PTPRM: variants seen among roughly 807,000 people sequenced by gnomAD.
PTPRM encodes protein tyrosine phosphatase receptor type M.
A neutral mutation model predicts 186.7 loss-of-function variants in PTPRM; 47 were observed. The ratio of observed to expected loss-of-function variants is 0.25; its 90% CI spans 0.20 to 0.32. PTPRM has a LOEUF of 0.32. Among genes scored for constraint, PTPRM ranks in the 10% least tolerant of loss-of-function variants. The probability of loss-of-function intolerance (pLI) is 1.00; values close to 1 mark genes in which losing one functional copy is unlikely to be tolerated. For synonymous variants in PTPRM, 668 were observed against 674.9 expected (o/e 0.99, Z 0.16); for missense variants, 1,494 against 1,865.0 (o/e 0.80, Z 3.66).
chr18:7,911,814 T>C (rs2050278863), intron 4 of PTPRM, among the ~76,000 whole-genome samples: 1 of 151,804 alleles, frequency 6.6e-6, no homozygotes, highest in Non-Finnish European at 1.5e-5. Flanking sequence ...CACAAAGCTT[T>C]TCTGTGTTTT....
At position 8,249,831 on chromosome 18, in the gene PTPRM, G is replaced by T. The variant is rs189268495; in HGVS notation, c.2554+1655G>T. On this transcript the variant is annotated intron_variant, in intron 17 of 32. Coordinates refer to ENST00000580170, the MANE Select transcript of PTPRM (RefSeq NM_001105244.2). ...GACAGACAATTCAAGTAGCAAAAAT[G>T]ATGCACATTGTAAAAAATAAGTCAC... Among the ~76,000 whole-genome samples, 1,005 of 152,252 alleles carry T rather than the reference G, an allele frequency of 6.6e-3. 14 individuals are homozygous for T. The highest frequency in any genetic ancestry group is 0.021 in the African/African-American group (891 of 41,562).
At chr18:8,080,589 G>A (rs1164627194) in intron 9 of PTPRM, among the ~76,000 whole-genome samples, 1 of 152,146 alleles carries the variant, frequency 6.6e-6, no homozygotes, top group Non-Finnish European at 1.5e-5. Flanking sequence ...AGCTGATTGG[G>A]ACATTCAAGA....
rs1449819977 is a variant in PTPRM, at chr18:8,310,998, A to G, written c.2843-3783A>G. 3.3e-5 allele frequency among the ~76,000 whole-genome samples: 5 copies of G among 151,898 alleles called. No homozygotes were observed. In the East Asian group the frequency reaches 9.7e-4, roughly 29 times the overall value. ...AATAGCTCAGTATTCTGACAATATTAGACAAGCCTGTATTAAAACTGAAAT... is the reference window on the plus strand; with the variant it reads ...AATAGCTCAGTATTCTGACAATATTGGACAAGCCTGTATTAAAACTGAAAT... On this transcript the variant is annotated intron_variant, in intron 20 of 32. Coordinates refer to ENST00000580170, the MANE Select transcript of PTPRM (RefSeq NM_001105244.2).
chr18:7,804,439 A>C (rs1598800232), intron 2 of PTPRM, among the ~76,000 whole-genome samples: 1 of 152,208 alleles, frequency 6.6e-6, no homozygotes, highest in Non-Finnish European at 1.5e-5. Context: ...AAATAGCAGT[A>C]TGTTTTGAGA....
intron 1 of PTPRM, among the ~76,000 whole-genome samples, chr18:7,679,770 T>G (rs1372249814): frequency 6.6e-6 from 1 of 152,208 alleles, no homozygotes; most frequent in Non-Finnish European, 1.5e-5. Flanking sequence ...TATAATTGTC[T>G]CTAGTAGATT....
chr18:8,015,804 G>T (rs1445700003), intron 7 of PTPRM, among the ~76,000 whole-genome samples: 1 of 152,094 alleles, frequency 6.6e-6, no homozygotes, highest in Non-Finnish European at 1.5e-5. Context: ...AATGAAAAAT[G>T]CACTCCCCAT....
At chr18:8,226,768 G>T (rs2094218755) in intron 14 of PTPRM, among the ~76,000 whole-genome samples, 1 of 152,212 alleles carries the variant, frequency 6.6e-6, no homozygotes, top group African/African-American at 2.4e-5. Flanking sequence ...TAGGTTAGAA[G>T]TCTGACACAG....
chr18:7,998,884 G>T (rs891912931), intron 7 of PTPRM, among the ~76,000 whole-genome samples: 9 of 152,176 alleles, frequency 5.9e-5, no homozygotes, highest in African/African-American at 2.2e-4. Flanking sequence ...CAAACTTCTG[G>T]CCTCAAGTGA....
intron 1 of PTPRM, among the ~76,000 whole-genome samples, chr18:7,603,079 C>T (rs963817971): frequency 6.6e-6 from 1 of 151,776 alleles, no homozygotes; most frequent in African/African-American, 2.4e-5. Context: ...AGGTGCCCGC[C>T]ACCACGCCTG....
chr18:7,846,132 T>C (rs2046582059), intron 2 of PTPRM, among the ~76,000 whole-genome samples: 1 of 152,120 alleles, frequency 6.6e-6, no homozygotes, highest in South Asian at 2.1e-4. Flanking sequence ...TGGCCAGTAG[T>C]GTTTGCTGCA....
intron 11 of PTPRM, among the ~76,000 whole-genome samples, chr18:8,103,808 G>A (rs1404085681): frequency 2.6e-5 from 4 of 152,092 alleles, no homozygotes; most frequent in Non-Finnish European, 5.9e-5. Context: ...CTTTCGAACT[G>A]TCTTGGCTTT....
intron 5 of PTPRM, among the ~76,000 whole-genome samples, chr18:7,948,261 G>A (rs1402286743): frequency 6.6e-6 from 1 of 151,682 alleles, no homozygotes; most frequent in African/African-American, 2.4e-5. Flanking sequence ...TTATATATAT[G>A]TGTGTGTATA....
At chr18:7,627,889 A>C (rs922360525) in intron 1 of PTPRM, among the ~76,000 whole-genome samples, 16 of 152,196 alleles carry the variant, frequency 1.1e-4, no homozygotes, top group Non-Finnish European at 4.4e-5. Flanking sequence ...AGTCAGAAGG[A>C]GTTCCATTGA....
At chr18:8,191,543 C>T (rs1186489568) in intron 14 of PTPRM, among the ~76,000 whole-genome samples, 2 of 152,156 alleles carry the variant, frequency 1.3e-5, no homozygotes, top group East Asian at 1.9e-4. Context: ...TGGAGCCAAG[C>T]CTTCTGTGTA....
chr18:8,162,102 CT>C (rs761016384), intron 14 of PTPRM, among the ~76,000 whole-genome samples: 267 of 142,212 alleles, frequency 1.9e-3, no homozygotes, highest in East Asian at 8.0e-3. Flanking sequence ...GGGTTTTTTT[CT>C]TTTTTTTTTT....
intron 1 of PTPRM, among the ~76,000 whole-genome samples, chr18:7,618,836 C>A (rs75456491): frequency 1.0e-3 from 157 of 152,302 alleles, no homozygotes; most frequent in African/African-American, 3.6e-3. Context: ...GCATTAAATC[C>A]TTGGCTGGCA....
chr18:7,842,928 G>A (rs61041310), intron 2 of PTPRM, among the ~76,000 whole-genome samples: 25 of 62,716 alleles, frequency 4.0e-4, no homozygotes, highest in South Asian at 1.8e-3. Flanking sequence ...GTGTGTGTGT[G>A]TGTATATATA....
At chr18:8,113,169 A>G (rs965890856) in intron 11 of PTPRM, among the ~76,000 whole-genome samples, 2 of 152,266 alleles carry the variant, frequency 1.3e-5, no homozygotes, top group Non-Finnish European at 2.9e-5. Context: ...CGTCAGTTAC[A>G]TGTGAGAAAA....
At position 8,380,447 on chromosome 18, in the gene PTPRM, C is replaced by T. The variant is rs528807611; in HGVS notation, c.3918+20C>T. ...GCCCAGGTGAGACCCGGACTTCTTACAGTCAGAACTAGTGCCAGGGGGTCA... is the reference window on the plus strand; with the variant it reads ...GCCCAGGTGAGACCCGGACTTCTTATAGTCAGAACTAGTGCCAGGGGGTCA... On this transcript the variant is annotated intron_variant, in intron 29 of 32. Transcript: ENST00000580170. 3.6e-5 allele frequency: 58 copies of T among 1,613,946 alleles called. No homozygotes were observed. The South Asian group carries it at 6.3e-4, about 17-fold the overall frequency.
Sources: allele counts gnomAD v4.1 joint callset (sites outside exome capture counted in the v4.1 genomes callset), GRCh38; gene constraint gnomAD v4.1.1; transcripts MANE v1.5; gene names NCBI Gene and HGNC (gene_info 2026-07-23, HGNC 2026-07-21).